Variants in PDE7B observed in about 807,000 individuals in gnomAD.
The protein encoded by PDE7B is phosphodiesterase 7B.
In PDE7B, 29 loss-of-function variants were observed where a neutral mutation model predicts 56.2. That is an observed-to-expected ratio of 0.52 (90% CI 0.38 to 0.70). The LOEUF is 0.70. Ranked by LOEUF, PDE7B falls within the 30% of genes least tolerant of loss-of-function variation. The pLI is 0.00. For synonymous variants in PDE7B, 197 were observed against 196.9 expected (o/e 1.00, Z 0.00); for missense variants, 490 against 565.0 (o/e 0.87, Z 1.35).
chr6:136,054,163 T>C (rs890579442), intron 2 of PDE7B, among the ~76,000 whole-genome samples: 1 of 152,250 alleles, frequency 6.6e-6, no homozygotes, highest in Non-Finnish European at 1.5e-5. Context: ...TGCCTAGGTT[T>C]CTTCTAGGGT....
chr6:136,048,239 A>T (rs1413613274), intron 2 of PDE7B, among the ~76,000 whole-genome samples: 1 of 152,126 alleles, frequency 6.6e-6, no homozygotes, highest in Admixed American at 6.6e-5. Context: ...AAAGGAGATG[A>T]TGGGCTGGGC....
At chr6:136,096,332 C>A (rs980572269) in intron 2 of PDE7B, 3 of 152,156 alleles carry the variant, frequency 2.0e-5, no homozygotes, top group Non-Finnish European at 1.5e-5. Flanking sequence ...CACATAAAAA[C>A]AAACAATACA....
At chr6:136,149,367 T>C (rs1339920126) in intron 5 of PDE7B, among the ~76,000 whole-genome samples, 1 of 152,232 alleles carries the variant, frequency 6.6e-6, no homozygotes, top group Non-Finnish European at 1.5e-5. Flanking sequence ...GACAGTTTCC[T>C]TGTGACCTTG....
intron 2 of PDE7B, among the ~76,000 whole-genome samples, chr6:136,039,891 T>C (rs1776386543): frequency 6.6e-6 from 1 of 152,206 alleles, no homozygotes; most frequent in African/African-American, 2.4e-5. Context: ...TTAGGTTTGT[T>C]TCAGTCAATT....
intron 1 of PDE7B, among the ~76,000 whole-genome samples, chr6:135,852,714 A>C (rs1052586030): frequency 6.6e-6 from 1 of 152,228 alleles, no homozygotes; most frequent in African/African-American, 2.4e-5. Context: ...AGGAAAGTAA[A>C]ACTTCTTTAT....
chr6:136,111,275 T>C (rs188416204), intron 3 of PDE7B, among the ~76,000 whole-genome samples: 1 of 152,322 alleles, frequency 6.6e-6, no homozygotes, highest in Admixed American at 6.5e-5. Context: ...TCAATTGCTA[T>C]TGATCATTTA....
In PDE7B at chr6:136,161,518, A is replaced by G. The variant is rs77870093; in HGVS notation, c.711+5760A>G. 4.7e-3 allele frequency among the ~76,000 whole-genome samples: 716 copies of G among 152,354 alleles called. 5 individuals are homozygous for G. Among genetic ancestry groups the G allele is most frequent in the African/African-American group, 0.017 (690 of 41,576 alleles). On this transcript the variant is annotated intron_variant, in intron 8 of 12. Transcript: ENST00000308191. ...ATTCTTGGAATGATCTTCTCATTGC[A>G]TCTTGGAATTGACAAATGCAAGCTG...
chr6:136,191,095 T>C (rs1196341074), intron 12 of PDE7B, among the ~76,000 whole-genome samples: 1 of 151,252 alleles, frequency 6.6e-6, no homozygotes, highest in Non-Finnish European at 1.5e-5. Context: ...GAGTTTACTA[T>C]GTGCCAAGAG....
At chr6:135,855,042 A>G (rs1286005999) in intron 1 of PDE7B, among the ~76,000 whole-genome samples, 1 of 152,200 alleles carries the variant, frequency 6.6e-6, no homozygotes, top group Non-Finnish European at 1.5e-5. Flanking sequence ...GAACAGAGGT[A>G]GTGAACCAAG....
chr6:136,073,789 G>A (rs1562486412), intron 2 of PDE7B, among the ~76,000 whole-genome samples: 1 of 152,166 alleles, frequency 6.6e-6, no homozygotes, highest in Non-Finnish European at 1.5e-5. Flanking sequence ...ACCACCACAT[G>A]TATCAGAGTA....
intron 3 of PDE7B, among the ~76,000 whole-genome samples, chr6:136,139,258 T>C (rs1778272467): frequency 6.6e-6 from 1 of 152,186 alleles, no homozygotes; most frequent in Non-Finnish European, 1.5e-5. Flanking sequence ...CTGAGAATGA[T>C]GGTTTCCAGC....
At chr6:135,872,763 T>C (rs1040519876) in intron 1 of PDE7B, among the ~76,000 whole-genome samples, 2 of 152,184 alleles carry the variant, frequency 1.3e-5, no homozygotes, top group Non-Finnish European at 2.9e-5. Context: ...AATTTACTTT[T>C]CTGCCCACTT....
chr6:136,077,821 AAG>A (rs2128214724), intron 2 of PDE7B, among the ~76,000 whole-genome samples: 2 of 152,308 alleles, frequency 1.3e-5, no homozygotes, highest in South Asian at 4.1e-4. Flanking sequence ...GTTTATGGAA[AAG>A]CTGAGCAACT....
chr6:135,955,964 C>A (rs1411115602), intron 2 of PDE7B, among the ~76,000 whole-genome samples: 1 of 152,146 alleles, frequency 6.6e-6, no homozygotes, highest in Non-Finnish European at 1.5e-5. Context: ...CTTTCCACTG[C>A]AGCACAGCTC....
chr6:136,186,195 A>T (rs77328083), intron 11 of PDE7B, among the ~76,000 whole-genome samples: 5,598 of 152,144 alleles, frequency 0.037, 323 homozygotes, highest in African/African-American at 0.12. Context: ...GCAGGAGGAT[A>T]GCTTGAGCTC....
At chr6:135,979,405 G>A (rs1365965370) in intron 2 of PDE7B, among the ~76,000 whole-genome samples, 1 of 151,740 alleles carries the variant, frequency 6.6e-6, no homozygotes, top group Non-Finnish European at 1.5e-5. Context: ...ATGAGTTAGG[G>A]AGGATTCCCT....
chr6:135,901,837 T>A (rs1469279444), intron 1 of PDE7B, among the ~76,000 whole-genome samples: 3 of 151,990 alleles, frequency 2.0e-5, no homozygotes, highest in Non-Finnish European at 4.4e-5. Context: ...GAGAGAGAAG[T>A]GTGCAGACAC....
At chr6:136,147,163 T>TA (rs35202440) in intron 3 of PDE7B, among the ~76,000 whole-genome samples, 188 bp from the exon 4 acceptor site, 62,341 of 149,030 alleles carry the variant, frequency 0.42, 13,080 homozygotes, top group East Asian at 0.57. Context: ...AAGTAAAAAT[T>TA]AAAAAAAAAA....
chr6:136,038,025 G>C (rs144930111), intron 2 of PDE7B: 1 of 1,317,040 alleles, frequency 7.6e-7, no homozygotes, highest in Admixed American at 2.1e-5. Flanking sequence ...TCTCACCAGA[G>C]AGAAACCTAG....
Sources: gnomAD v4.1 joint callset for allele counts (sites outside exome capture counted in the v4.1 genomes callset) on GRCh38, gnomAD v4.1.1 for gene constraint, MANE v1.5 for transcripts, NCBI Gene and HGNC (gene_info 2026-07-23, HGNC 2026-07-21) for gene names.